The following KANK4 variants were observed in gnomAD, a reference collection of about 807,000 sequenced individuals.
KANK4 encodes KN motif and ankyrin repeat domain-containing protein 4.
Under a neutral mutation model 80.8 loss-of-function variants are expected in KANK4, and 50 were observed. The observed-to-expected ratio is 0.62, with a 90% CI of 0.49 to 0.78. The LOEUF is 0.78. KANK4 is among the 30% of genes least tolerant of loss of function. The pLI is 0.00. For synonymous variants in KANK4, 465 were observed against 506.9 expected (o/e 0.92, Z 1.11); for missense variants, 1,196 against 1,240.1 (o/e 0.96, Z 0.53).
At chr1:62,314,632 A>T (rs1278419184) in intron 1 of KANK4, among the ~76,000 whole-genome samples, 1 of 150,146 alleles carries the variant, frequency 6.7e-6, no homozygotes, top group African/African-American at 2.5e-5. Context: ...TTAGAAATAC[A>T]TACCAAAGGA....
intron 1 of KANK4, among the ~76,000 whole-genome samples, chr1:62,283,979 T>A (rs1672506022): frequency 6.6e-6 from 1 of 152,288 alleles, no homozygotes; most frequent in South Asian, 2.1e-4. Context: ...ATTTCAAGGC[T>A]ACAGAAATTA....
intron 1 of KANK4, among the ~76,000 whole-genome samples, chr1:62,315,508 C>T (rs1231577864): frequency 3.3e-5 from 5 of 152,084 alleles, no homozygotes; most frequent in Admixed American, 6.6e-5. Context: ...TTGTACTGTT[C>T]CTGTTTCACA....
intron 7 of KANK4, among the ~76,000 whole-genome samples, chr1:62,259,054 G>T (rs564669263): frequency 1.3e-5 from 2 of 152,140 alleles, no homozygotes; most frequent in East Asian, 3.9e-4. Flanking sequence ...GGGCAGGTGG[G>T]GTCCTGAAGG....
At chr1:62,255,550 C>T (rs1311373623) in intron 7 of KANK4, among the ~76,000 whole-genome samples, 2 of 152,076 alleles carry the variant, frequency 1.3e-5, no homozygotes, top group African/African-American at 4.8e-5. Flanking sequence ...AACAGAAAAA[C>T]AATTACACTT....
At chr1:62,267,189 C>T (rs1672042525) in intron 5 of KANK4, among the ~76,000 whole-genome samples, 2 of 152,288 alleles carry the variant, frequency 1.3e-5, no homozygotes, top group Non-Finnish European at 2.9e-5. Context: ...CAAACATTTT[C>T]TGCCTGGGTG....
At chr1:62,247,036 C>T (rs1671482174) in intron 9 of KANK4, among the ~76,000 whole-genome samples, 1 of 150,660 alleles carries the variant, frequency 6.6e-6, no homozygotes, top group Admixed American at 6.7e-5. Flanking sequence ...GCTGGGATTA[C>T]AGGTGTGAGC....
chr1:62,244,396 T>C (rs2149115843), intron 9 of KANK4, among the ~76,000 whole-genome samples: 1 of 152,136 alleles, frequency 6.6e-6, no homozygotes, highest in South Asian at 2.1e-4. Flanking sequence ...GGGGGTGATA[T>C]GGTTTGGCTG....
intron 1 of KANK4, 33 bp from the exon 2 acceptor site, chr1:62,281,667 C>G: frequency 7.6e-7 from 1 of 1,311,076 alleles, no homozygotes; most frequent in South Asian, 1.2e-5. Context: ...AGTGGTGAGT[C>G]TCATTAGCGT....
intron 5 of KANK4, among the ~76,000 whole-genome samples, chr1:62,267,178 C>T (rs1385593715): frequency 1.3e-5 from 2 of 152,184 alleles, no homozygotes; most frequent in Non-Finnish European, 2.9e-5. Context: ...TGACTTTGAA[C>T]CAAACATTTT....
Position 62,273,403 on chromosome 1 carries a change from G to C in KANK4, c.1701C>G (p.Ile567Met). 6.2e-7 allele frequency: 1 copy of C among 1,609,206 alleles called. No individual in the cohort carries two copies. The highest frequency in any genetic ancestry group is 8.5e-7 in the Non-Finnish European group (1 of 1,176,748). The change falls in exon 3 of 10, where the codon ATC becomes ATG. Residue 567 changes from isoleucine (I) to methionine (M), a missense_variant. Ile to Met is a conservative substitution (Grantham distance 10). This residue lies in a region of KANK4 where 1,154 missense variants were observed against 1,179.6 expected (regional missense o/e 0.98). Transcript: ENST00000371153. ...DATIGQYVKKIQELLQEQWNC... is the reference protein window; with the variant it reads ...DATIGQYVKKMQELLQEQWNC... ...TCCACTGCTCCTGCAGGAGCTCCTGGATCTTCTTCACATACTGCCCAATAG... is the reference window on the plus strand; with the variant it reads ...TCCACTGCTCCTGCAGGAGCTCCTGCATCTTCTTCACATACTGCCCAATAG...
chr1:62,253,625 G>T (rs1241986177), intron 7 of KANK4, among the ~76,000 whole-genome samples: 1 of 151,912 alleles, frequency 6.6e-6, no homozygotes, highest in Non-Finnish European at 1.5e-5. Context: ...TGTTGGTCAG[G>T]CTGGTCCCGA....
At chr1:62,287,687 G>C (rs537982807) in intron 1 of KANK4, among the ~76,000 whole-genome samples, 1 of 152,280 alleles carries the variant, frequency 6.6e-6, no homozygotes, top group Non-Finnish European at 1.5e-5. Flanking sequence ...CTGGGGTAAA[G>C]TTCTCTGTTC....
At chr1:62,297,547 G>A (rs1173709026) in intron 1 of KANK4, among the ~76,000 whole-genome samples, 2 of 152,204 alleles carry the variant, frequency 1.3e-5, no homozygotes, top group Non-Finnish European at 2.9e-5. Flanking sequence ...AGTAGCTTTC[G>A]GAAGTCTAAA....
In KANK4 at chr1:62,238,089, G is replaced by A. The variant is rs978611390; in HGVS notation, c.*188C>T. ...GAAGCCCGTGTAGTTTTCAGGCTTG[G>A]CCTAAGGCAAAAACTACAAAGCATC... On this transcript the variant is annotated 3_prime_UTR_variant, in exon 10 of 10. Coordinates refer to ENST00000371153, the MANE Select transcript of KANK4 (RefSeq NM_181712.5). 3.8e-6 allele frequency: 2 copies of A among 529,730 alleles called. No homozygotes were observed. The highest frequency in any genetic ancestry group is 6.9e-6 in the Non-Finnish European group (2 of 289,454). 32.8% of individuals were successfully genotyped at this position (529,730 alleles called of 1,614,324 possible). A position where few individuals can be genotyped will look rare whatever the true frequency, so the allele number is the denominator to read the frequency against.
Position 62,247,636 on chromosome 1 carries a change from C to T in KANK4, c.2719G>A (p.Asp907Asn), listed in dbSNP as rs752600367. The T allele has an allele frequency of 5.0e-6, 8 of 1,613,808 alleles. No individual in the cohort carries two copies. In the South Asian group the frequency reaches 5.5e-5, roughly 11 times the overall value. Residue 907 changes from aspartate to asparagine, a missense_variant, in exon 9 of 10, where the codon GAC becomes AAC. Asp to Asn is a conservative substitution (Grantham distance 23). This residue lies in a region of KANK4 where 1,154 missense variants were observed against 1,179.6 expected (regional missense o/e 0.98). Transcript: ENST00000371153. ...QTALMLGVSHDREDMVQALLS... is the reference protein window; with the variant it reads ...QTALMLGVSHNREDMVQALLS... Reference sequence around the variant, plus strand: ...AGCGCTTGAACCATGTCCTCCCTGTCGTGGCTGACTCCCAGCATCAGCGCA... The same window carrying T: ...AGCGCTTGAACCATGTCCTCCCTGTTGTGGCTGACTCCCAGCATCAGCGCA...
intron 2 of KANK4, among the ~76,000 whole-genome samples, chr1:62,279,743 C>A (rs148173612): frequency 1.3e-5 from 2 of 152,098 alleles, no homozygotes; most frequent in Non-Finnish European, 2.9e-5. Flanking sequence ...ATGCGGCAGG[C>A]GAGGATTCAC....
chr1:62,306,040 A>G (rs2149169895), intron 1 of KANK4, among the ~76,000 whole-genome samples: 1 of 152,198 alleles, frequency 6.6e-6, no homozygotes, highest in African/African-American at 2.4e-5. Context: ...GCTGGAGTGC[A>G]GTGGTGCCAT....
At chr1:62,261,020 C>T (rs1671871515) in intron 7 of KANK4, among the ~76,000 whole-genome samples, 1 of 152,182 alleles carries the variant, frequency 6.6e-6, no homozygotes, top group Admixed American at 6.5e-5. Flanking sequence ...AAATCTGCCC[C>T]AAACTGAATT....
At chr1:62,271,220 C>T (rs1672154065) in intron 4 of KANK4, among the ~76,000 whole-genome samples, 1 of 152,134 alleles carries the variant, frequency 6.6e-6, no homozygotes, top group African/African-American at 2.4e-5. Context: ...CCCAAAACTC[C>T]CAGAAGCCAC....
Sources: allele counts gnomAD v4.1 joint callset (sites outside exome capture counted in the v4.1 genomes callset), GRCh38; gene constraint gnomAD v4.1.1; regional missense constraint gnomAD v4.1.1; transcripts MANE v1.5; gene names NCBI Gene and HGNC (gene_info 2026-07-23, HGNC 2026-07-21).